CAPN7: variants seen among roughly 807,000 people sequenced by gnomAD.
CAPN7 encodes the protein calpain-7.
CAPN7 carries 72 observed loss-of-function variants against 115.2 expected under a neutral mutation model. The ratio of observed to expected loss-of-function variants is 0.63; its 90% CI spans 0.52 to 0.76. The LOEUF (loss-of-function observed/expected upper bound fraction) is 0.76, where lower values mean the gene tolerates loss of function less well. Among genes scored for constraint, CAPN7 ranks in the 30% least tolerant of loss-of-function variants. CAPN7 has a pLI of 0.00. For synonymous variants in CAPN7, 344 were observed against 322.3 expected, an observed-to-expected ratio of 1.07 and a Z score of -0.72; for missense variants, 905 against 971.5, an observed-to-expected ratio of 0.93 and a Z score of 0.91.
intron 9 of CAPN7, among the ~76,000 whole-genome samples, chr3:15,231,299 G>C (rs536116831): frequency 6.6e-6 from 1 of 152,278 alleles, no homozygotes; most frequent in Non-Finnish European, 1.5e-5. Flanking sequence ...GGAGGTCTGA[G>C]ATGAGATCAA....
At chr3:15,210,888 C>G (rs1328666392) in intron 1 of CAPN7, 4 of 1,288,030 alleles carry the variant, frequency 3.1e-6, no homozygotes, top group Admixed American at 4.6e-5. Flanking sequence ...CATGATGACC[C>G]ATGAAGTGTA....
Position 15,212,135 on chromosome 3 carries a change from T to G in CAPN7, c.134T>G (p.Met45Arg). ...EAAQALIYAEMAGSSLENIQE... is the reference protein window; with the variant it reads ...EAAQALIYAERAGSSLENIQE... ...GCACAAGCCTTAATTTATGCTGAGA[T>G]GGCAGGATCAAGCCTAGAAAATATT... Residue 45 changes from methionine to arginine, a missense_variant, in exon 2 of 21, where the codon ATG becomes AGG. Coordinates refer to ENST00000253693, the MANE Select transcript of CAPN7 (RefSeq NM_014296.3). 6.2e-7 allele frequency: 1 copy of G among 1,610,986 alleles called. No individual in the cohort carries two copies. The highest frequency in any genetic ancestry group is 8.5e-7 in the Non-Finnish European group (1 of 1,178,254).
intron 6 of CAPN7, among the ~76,000 whole-genome samples, chr3:15,224,828 T>C (rs953367641): frequency 1.3e-5 from 2 of 152,220 alleles, no homozygotes; most frequent in Non-Finnish European, 2.9e-5. Context: ...TTTCTAGTGT[T>C]TTGCTGTTCT....
intron 16 of CAPN7, among the ~76,000 whole-genome samples, chr3:15,243,986 C>T (rs187159147): frequency 2.0e-5 from 3 of 152,328 alleles, no homozygotes; most frequent in East Asian, 1.9e-4. Flanking sequence ...TCGTGGCAGT[C>T]AGTCATTGTT....
At chr3:15,230,348 A>T (rs1352398136) in intron 8 of CAPN7, 94 bp from the exon 9 acceptor site, 2 of 679,512 alleles carry the variant, frequency 2.9e-6, no homozygotes, top group Non-Finnish European at 4.9e-6. Context: ...TGAAATTGCC[A>T]AGACGGTAGT....
In CAPN7 at chr3:15,248,217, C is replaced by G. The variant is rs569972976; in HGVS notation, c.2204+760C>G. ...AAATAAAAATAAAAAAATAAAAACA[C>G]ATTATAAAGGGGGCAATCCAGATGG... On this transcript the variant is annotated intron_variant, in intron 19 of 20. Coordinates refer to ENST00000253693, the MANE Select transcript of CAPN7 (RefSeq NM_014296.3). Among the ~76,000 whole-genome samples, 23 of 152,048 alleles carry G rather than the reference C, an allele frequency of 1.5e-4. 1 individual carries two copies. The highest frequency in any genetic ancestry group is 5.3e-4 in the African/African-American group (22 of 41,490).
At chr3:15,217,952 C>A (rs978659612) in intron 3 of CAPN7, among the ~76,000 whole-genome samples, 1 of 152,184 alleles carries the variant, frequency 6.6e-6, no homozygotes, top group African/African-American at 2.4e-5. Flanking sequence ...TACTTATTTG[C>A]AGTGTAAAAT....
intron 9 of CAPN7, among the ~76,000 whole-genome samples, chr3:15,231,756 C>T (rs1694702290): frequency 6.6e-6 from 1 of 152,088 alleles, no homozygotes; most frequent in South Asian, 2.1e-4. Context: ...TCTCGATCTC[C>T]TGACCTCATG....
chr3:15,238,060 T>A (rs1695098423), intron 12 of CAPN7, among the ~76,000 whole-genome samples: 1 of 151,800 alleles, frequency 6.6e-6, no homozygotes, highest in Non-Finnish European at 1.5e-5. Context: ...ATTTTTATTT[T>A]TTATTTTTTG....
chr3:15,209,007 A>T (rs1206151428), intron 1 of CAPN7, among the ~76,000 whole-genome samples: 1 of 152,068 alleles, frequency 6.6e-6, no homozygotes, highest in African/African-American at 2.4e-5. Flanking sequence ...TTCATTTTAT[A>T]ATCTTTTTTC....
chr3:15,247,292 A>G lies in CAPN7; in HGVS notation c.2074-35A>G, dbSNP rs983135194. 2.1e-6 allele frequency: 3 copies of G among 1,450,204 alleles called. No individual in the cohort carries two copies. In the African/African-American group the frequency reaches 4.5e-5, roughly 22 times the overall value. 89.8% of individuals were successfully genotyped at this position (1,450,204 alleles called of 1,614,324 possible). A position where few individuals can be genotyped will look rare whatever the true frequency, so the allele number is the denominator to read the frequency against. ...TGTCTTTAAGTGGAATTGGAAATGA[A>G]ATTTTGTTAATACTAAAACTTTTGT... On this transcript the variant is annotated intron_variant, in intron 18 of 20. Coordinates refer to ENST00000253693, the MANE Select transcript of CAPN7 (RefSeq NM_014296.3).
intron 19 of CAPN7, 131 bp from the exon 20 acceptor site, chr3:15,250,798 TAG>T (rs746983738): frequency 1.5e-4 from 92 of 627,944 alleles, no homozygotes; most frequent in Non-Finnish European, 1.7e-4. Flanking sequence ...TGATCAAAAA[TAG>T]AGTGTGTATG....
intron 16 of CAPN7, among the ~76,000 whole-genome samples, chr3:15,244,108 G>T (rs1246473118): frequency 6.6e-6 from 1 of 152,176 alleles, no homozygotes; most frequent in Admixed American, 6.5e-5. Context: ...TTGCAAGAAA[G>T]CTGTGCAAAG....
At chr3:15,226,320 C>T (rs897573532) in intron 6 of CAPN7, among the ~76,000 whole-genome samples, 32 of 151,978 alleles carry the variant, frequency 2.1e-4, no homozygotes, top group African/African-American at 6.3e-4. Context: ...GTGATCCGCC[C>T]GCCTCAGCCT....
intron 8 of CAPN7, among the ~76,000 whole-genome samples, chr3:15,229,766 A>G (rs1160016508): frequency 6.6e-6 from 1 of 151,408 alleles, no homozygotes; most frequent in Non-Finnish European, 1.5e-5. Context: ...GAAATATAAC[A>G]TATTTCTGTT....
intron 2 of CAPN7, among the ~76,000 whole-genome samples, chr3:15,216,592 TACATA>T (rs1693613391): frequency 6.6e-6 from 1 of 152,134 alleles, no homozygotes; most frequent in Non-Finnish European, 1.5e-5. Flanking sequence ...GCAATGAAAA[TACATA>T]ACATATTCTA....
chr3:15,241,470 A>AAGG lies in CAPN7; in HGVS notation c.1672_1674dup (p.Gly558dup). Reference sequence around the variant, plus strand: ...TCTTTTAGTACTTGGGATGCTAAGCAAGGACCTGTGAAAGATGCCTATAGC... The same window carrying AAGG: ...TCTTTTAGTACTTGGGATGCTAAGCAAGGAGGACCTGTGAAAGATGCCTATAGC... On this transcript the variant is annotated inframe_insertion, in exon 15 of 21. Transcript: ENST00000253693. 6.2e-7 allele frequency: 1 copy of AAGG among 1,614,046 alleles called. No individual in the cohort carries two copies. Among genetic ancestry groups the AAGG allele is most frequent in the Non-Finnish European group, 8.5e-7 (1 of 1,179,944 alleles).
At chr3:15,245,702 A>G in intron 17 of CAPN7, 31 bp downstream of exon 17, 1 of 1,598,224 alleles carries the variant, frequency 6.3e-7, no homozygotes. Flanking sequence ...ATGACAAAAC[A>G]CAGTAATATA....
Position 15,232,531 on chromosome 3 carries a change from G to T in CAPN7, c.1045G>T (p.Asp349Tyr). Residue 349 changes from aspartate (D) to tyrosine (Y), a missense_variant, in exon 10 of 21, where the codon GAC (aspartate) becomes TAC (tyrosine). Asp to Tyr is a radical substitution (Grantham distance 160). Transcript: ENST00000253693. The part of the protein sequence containing the change: ...NGVPRKVIID[D>Y]QLPVDHKGEL... Reference sequence around the variant, plus strand: ...TCTCTTTCTCCAGGTGATAATTGATGACCAGTTACCTGTTGATCACAAGGG... The same window carrying T: ...TCTCTTTCTCCAGGTGATAATTGATTACCAGTTACCTGTTGATCACAAGGG... 3 of 1,604,110 alleles carry T rather than the reference G, an allele frequency of 1.9e-6. No homozygotes were observed. In the South Asian group the frequency reaches 3.4e-5, roughly 18 times the overall value.
Sources: allele counts gnomAD v4.1 joint callset (sites outside exome capture counted in the v4.1 genomes callset), GRCh38; gene constraint gnomAD v4.1.1; transcripts MANE v1.5; gene names NCBI Gene and HGNC (gene_info 2026-07-23, HGNC 2026-07-21).